PSMD11: variants seen among roughly 807,000 people sequenced by gnomAD.
PSMD11 encodes proteasome 26S subunit, non-ATPase 11.
PSMD11 carries 5 observed loss-of-function variants against 62.3 expected under a neutral mutation model. The observed-to-expected ratio is 0.08, with a 90% CI of 0.04 to 0.17. The LOEUF (loss-of-function observed/expected upper bound fraction) is 0.17, where lower values mean the gene tolerates loss of function less well. Ranked by LOEUF, PSMD11 falls within the 10% of genes least tolerant of loss-of-function variation. The pLI is 1.00. For synonymous variants in PSMD11, 191 were observed against 191.8 expected (o/e 1.00, Z 0.03); for missense variants, 310 against 512.9 (o/e 0.60, Z 3.82).
chr17:32,476,173 C>T (rs1908316020), intron 8 of PSMD11, among the ~76,000 whole-genome samples: 1 of 152,086 alleles, frequency 6.6e-6, no homozygotes, highest in Non-Finnish European at 1.5e-5. Flanking sequence ...GAGGCTGAGG[C>T]AGGAGAATCA....
intron 3 of PSMD11, among the ~76,000 whole-genome samples, chr17:32,462,263 C>T (rs1345427553): frequency 1.3e-5 from 2 of 152,124 alleles, no homozygotes; most frequent in African/African-American, 2.4e-5. Context: ...CTGTGGGGGG[C>T]ACTTCTTACC....
At chr17:32,464,341 A>G (rs1907928323) in intron 4 of PSMD11, among the ~76,000 whole-genome samples, 180 bp from the exon 5 acceptor site, 1 of 152,236 alleles carries the variant, frequency 6.6e-6, no homozygotes, top group Non-Finnish European at 1.5e-5. Context: ...TGGTAAAGTT[A>G]ACAGTCATTT....
At chr17:32,469,431 C>G (rs1908094449) in intron 6 of PSMD11, among the ~76,000 whole-genome samples, 1 of 152,182 alleles carries the variant, frequency 6.6e-6, no homozygotes, top group Non-Finnish European at 1.5e-5. Flanking sequence ...TAGAACCAAA[C>G]TTAGAAAGGT....
intron 2 of PSMD11, 56 bp from the exon 3 acceptor site, chr17:32,454,439 G>T: frequency 1.3e-6 from 2 of 1,591,446 alleles, no homozygotes; most frequent in Non-Finnish European, 1.7e-6. Flanking sequence ...TCTTAAGTGG[G>T]TATTTTGTCT....
chr17:32,465,383 G>GAT (rs1358392339), intron 5 of PSMD11, among the ~76,000 whole-genome samples: 1 of 152,028 alleles, frequency 6.6e-6, no homozygotes, highest in African/African-American at 2.4e-5. Flanking sequence ...AAAGTGCTAG[G>GAT]ATTACAGGCA....
At chr17:32,477,843 T>G (rs982486105) in intron 9 of PSMD11, 6 of 275,414 alleles carry the variant, frequency 2.2e-5, no homozygotes, top group Non-Finnish European at 6.7e-6. Flanking sequence ...TTTTTCACTT[T>G]GATTTTTCAC....
chr17:32,460,269 C>A (rs1907786398), intron 3 of PSMD11, among the ~76,000 whole-genome samples: 1 of 151,992 alleles, frequency 6.6e-6, no homozygotes, highest in African/African-American at 2.4e-5. Context: ...CTATGTTGCC[C>A]AGGCTGGTCT....
chr17:32,467,814 T>C (rs1908041653), intron 5 of PSMD11, among the ~76,000 whole-genome samples: 1 of 152,184 alleles, frequency 6.6e-6, no homozygotes, highest in South Asian at 2.1e-4. Context: ...CTTTTCTTTT[T>C]TTTAAGTTTG....
intron 3 of PSMD11, 78 bp from the exon 4 acceptor site, chr17:32,463,971 T>C: frequency 1.5e-6 from 2 of 1,317,464 alleles, no homozygotes; most frequent in African/African-American, 2.9e-5. Flanking sequence ...GGAGGGAATT[T>C]AAGCTGTTCT....
chr17:32,445,853 T>C (rs1175469687), intron 1 of PSMD11: 1 of 152,222 alleles, frequency 6.6e-6, no homozygotes, highest in Non-Finnish European at 1.5e-5. Context: ...GGTGTATCTT[T>C]GAATGATATT....
Position 32,447,886 on chromosome 17 carries a change from T to G in PSMD11, c.193+840T>G, listed in dbSNP as rs1246564267. Among the ~76,000 whole-genome samples the G allele has an allele frequency of 6.9e-5, 10 of 144,726 alleles. No individual in the cohort carries two copies. In the Admixed American group the frequency reaches 6.9e-4, roughly 10 times the overall value. 94.9% of individuals were successfully genotyped at this position (144,726 alleles called of 152,430 possible). ...ACTAAAGATTTTTTTTTTCTTTTTC[T>G]TTTTTTTTTTTTGAGACGGGGTCTT... On this transcript the variant is annotated intron_variant, in intron 2 of 13. Transcript: ENST00000261712.
chr17:32,445,036 T>G, intron 1 of PSMD11: 4 of 191,206 alleles, frequency 2.1e-5, no homozygotes, highest in Non-Finnish European at 3.2e-5. Flanking sequence ...GGACAGGCAT[T>G]TCCCGCCGTT....
intron 3 of PSMD11, among the ~76,000 whole-genome samples, chr17:32,459,869 C>T (rs141816618): frequency 5.3e-5 from 8 of 152,148 alleles, no homozygotes; most frequent in South Asian, 2.1e-4. Flanking sequence ...TCAGGTGATC[C>T]GCCTGTCTTG....
chr17:32,471,507 A>G (rs7212835), intron 6 of PSMD11, among the ~76,000 whole-genome samples: 25,173 of 152,254 alleles, frequency 0.17, 2,591 homozygotes, highest in African/African-American at 0.28. Flanking sequence ...CCCATGCCCC[A>G]TGACAGTTGC....
At position 32,468,963 on chromosome 17, in the gene PSMD11, G is replaced by A. The variant is rs1271057093; in HGVS notation, c.449-36G>A. On this transcript the variant is annotated intron_variant, in intron 5 of 13. Coordinates refer to ENST00000261712, the MANE Select transcript of PSMD11 (RefSeq NM_002815.4). ...GTGAGCTATTATTAGGTATTAAGCT[G>A]ATGGCTATAAAGGAGAATGTCTTTT... 3.8e-6 allele frequency: 6 copies of A among 1,588,274 alleles called. 1 individual carries two copies. The South Asian group carries it at 4.6e-5, about 12-fold the overall frequency.
chr17:32,473,692 G>A (rs1019543840), intron 6 of PSMD11, 109 bp from the exon 7 acceptor site: 14 of 1,105,952 alleles, frequency 1.3e-5, no homozygotes, highest in East Asian at 7.5e-5. Context: ...GGATTTACAG[G>A]TGTGAGCCAC....
At chr17:32,462,221 TTGTGTCCTTTGAA>T (rs1166347179) in intron 3 of PSMD11, among the ~76,000 whole-genome samples, 2 of 152,232 alleles carry the variant, frequency 1.3e-5, no homozygotes, top group Non-Finnish European at 2.9e-5. Flanking sequence ...GTATTCATTT[TTGTGTCCTTTGAA>T]AAAACTCCCT....
At chr17:32,462,854 TTTC>T (rs1396519103) in intron 3 of PSMD11, among the ~76,000 whole-genome samples, 6 of 152,132 alleles carry the variant, frequency 3.9e-5, no homozygotes, top group Admixed American at 6.5e-5. Context: ...ACCTGGCTAA[TTTC>T]TTCTATTTTT....
intron 9 of PSMD11, 152 bp downstream of exon 9, chr17:32,477,735 A>G (rs1279302090): frequency 1.9e-6 from 1 of 514,606 alleles, no homozygotes; most frequent in African/African-American, 1.9e-5. Flanking sequence ...AAACCAGGAA[A>G]TAGTTAAGCA....
Sources: allele counts gnomAD v4.1 joint callset (sites outside exome capture counted in the v4.1 genomes callset), GRCh38; gene constraint gnomAD v4.1.1; transcripts MANE v1.5; gene names NCBI Gene and HGNC (gene_info 2026-07-23, HGNC 2026-07-21).